The following CXCL13 variants were observed in gnomAD, a reference collection of about 807,000 sequenced individuals.
CXCL13 encodes C-X-C motif chemokine 13.
CXCL13 carries 7 observed loss-of-function variants against 12.2 expected under a neutral mutation model. The observed-to-expected ratio is 0.57, with a 90% CI of 0.33 to 1.07. CXCL13 has a LOEUF of 1.07. Among genes scored for constraint, CXCL13 ranks in the 50% least tolerant of loss-of-function variants. The pLI, the probability that CXCL13 is intolerant of heterozygous loss-of-function variation, is 0.04. For synonymous variants in CXCL13, 47 were observed against 42.4 expected, an observed-to-expected ratio of 1.11 and a Z score of -0.42; for missense variants, 113 against 127.4, an observed-to-expected ratio of 0.89 and a Z score of 0.55.
At chr4:77,516,277 G>C (rs543079189) in intron 1 of CXCL13, among the ~76,000 whole-genome samples, 1 of 151,998 alleles carries the variant, frequency 6.6e-6, no homozygotes. Context: ...CTCTTTTTTG[G>C]TTGTGTCTCT....
At chr4:77,607,875 C>T (rs1192478886) in intron 2 of CXCL13, 40 bp downstream of exon 2, 1 of 1,587,430 alleles carries the variant, frequency 6.3e-7, no homozygotes, top group Non-Finnish European at 8.6e-7. Flanking sequence ...TTCCTTCTCC[C>T]AATGAAATCA....
At chr4:77,592,552 C>A (rs149280292) in intron 1 of CXCL13, among the ~76,000 whole-genome samples, 87 of 152,214 alleles carry the variant, frequency 5.7e-4, no homozygotes, top group African/African-American at 2.0e-3. Flanking sequence ...CTATATATAT[C>A]ATAATATCAT....
intron 1 of CXCL13, among the ~76,000 whole-genome samples, chr4:77,517,899 G>C (rs1364797517): frequency 6.6e-6 from 1 of 152,154 alleles, no homozygotes; most frequent in African/African-American, 2.4e-5. Flanking sequence ...TTTCTTTTTA[G>C]TCTCAATGGT....
chr4:77,557,225 CA>C lies in CXCL13; in HGVS notation c.-43+45439del, dbSNP rs1337527908. On this transcript the variant is annotated intron_variant, in intron 1 of 4. Coordinates refer to the CXCL13 transcript ENST00000286758. ...TTCCATTGTATTAATAACAGGGCCA[CA>C]ACGATGTTTCAGGTCTCTAAGTACC... is the stretch of plus-strand genomic sequence containing the variant. Among the ~76,000 whole-genome samples the C allele has an allele frequency of 2.0e-5, 3 of 152,306 alleles. No homozygotes were observed. In the East Asian group the frequency reaches 5.8e-4, roughly 29 times the overall value.
chr4:77,553,383 A>T (rs1204925748), intron 1 of CXCL13, among the ~76,000 whole-genome samples: 1 of 152,234 alleles, frequency 6.6e-6, no homozygotes, highest in African/African-American at 2.4e-5. Context: ...CAGACTTTGT[A>T]TGTGCCTGGG....
At chr4:77,535,597 C>A (rs891493949) in intron 1 of CXCL13, among the ~76,000 whole-genome samples, 1 of 152,128 alleles carries the variant, frequency 6.6e-6, no homozygotes, top group African/African-American at 2.4e-5. Context: ...CATAAAAATT[C>A]CATGTGCATC....
chr4:77,522,332 G>C (rs892921538), intron 1 of CXCL13, among the ~76,000 whole-genome samples: 2 of 151,804 alleles, frequency 1.3e-5, no homozygotes, highest in African/African-American at 4.8e-5. Flanking sequence ...TCTCTTTGTA[G>C]GTCTCTAAGG....
chr4:77,579,225 C>G (rs569891957), intron 1 of CXCL13, among the ~76,000 whole-genome samples: 1 of 152,356 alleles, frequency 6.6e-6, no homozygotes, highest in South Asian at 2.1e-4. Context: ...CTCAGCTACT[C>G]ATCCAATTCT....
chr4:77,548,033 A>C (rs180716445), intron 1 of CXCL13, among the ~76,000 whole-genome samples: 3 of 151,742 alleles, frequency 2.0e-5, no homozygotes, highest in African/African-American at 7.3e-5. Context: ...TTGAAAAAAA[A>C]TTTTTTTTAA....
At chr4:77,556,566 T>C (rs546286052) in intron 1 of CXCL13, among the ~76,000 whole-genome samples, 2 of 152,350 alleles carry the variant, frequency 1.3e-5, no homozygotes, top group East Asian at 3.9e-4. Flanking sequence ...TCAAACTGTA[T>C]ATTTAAAATG....
At chr4:77,590,005 C>T (rs965238242) in intron 1 of CXCL13, among the ~76,000 whole-genome samples, 1 of 152,042 alleles carries the variant, frequency 6.6e-6, no homozygotes, top group African/African-American at 2.4e-5. Context: ...AAGTACGTGG[C>T]CCAGGTAAAT....
At chr4:77,533,646 G>T (rs928211636) in intron 1 of CXCL13, among the ~76,000 whole-genome samples, 1 of 152,188 alleles carries the variant, frequency 6.6e-6, no homozygotes, top group African/African-American at 2.4e-5. Flanking sequence ...AGTCTATAGC[G>T]GTAGGCAGGC....
intron 1 of CXCL13, among the ~76,000 whole-genome samples, chr4:77,558,589 G>A (rs1003773518): frequency 6.6e-6 from 1 of 152,170 alleles, no homozygotes; most frequent in Non-Finnish European, 1.5e-5. Flanking sequence ...CTGACCTCAG[G>A]TGATCTGCCC....
intron 1 of CXCL13, among the ~76,000 whole-genome samples, chr4:77,555,029 A>T (rs887061197): frequency 6.6e-6 from 1 of 152,042 alleles, no homozygotes; most frequent in Non-Finnish European, 1.5e-5. Context: ...CTAAAAAAAC[A>T]GAAGAACAAA....
chr4:77,538,618 G>A (rs562374367), intron 1 of CXCL13, among the ~76,000 whole-genome samples: 1 of 152,122 alleles, frequency 6.6e-6, no homozygotes, highest in Non-Finnish European at 1.5e-5. Context: ...TAATAGTCAG[G>A]TTCACTCTGA....
chr4:77,532,479 T>A (rs1466722470), intron 1 of CXCL13, among the ~76,000 whole-genome samples: 1 of 152,198 alleles, frequency 6.6e-6, no homozygotes, highest in Non-Finnish European at 1.5e-5. Context: ...GCCCTTAACA[T>A]TTTTTCCTTC....
chr4:77,611,748 G>T lies in CXCL13; in HGVS notation c.*709G>T, dbSNP rs1343360990. On this transcript the variant is annotated 3_prime_UTR_variant, in exon 4 of 4. Transcript: ENST00000682537. ...TCACTGACTTTTTTTGTGGGGGGCG[G>T]GGCCGGGGGGACTCTGGTATCTAAT... is the stretch of plus-strand genomic sequence containing the variant. The T allele has an allele frequency of 2.5e-6, 1 of 394,700 alleles. No individual in the cohort carries two copies. Among genetic ancestry groups the T allele is most frequent in the Non-Finnish European group, 4.4e-6 (1 of 225,944 alleles). The allele number at this position is 394,700 out of a possible 1,614,324, so 24.4% of individuals were successfully genotyped here. A position where few individuals can be genotyped will look rare whatever the true frequency, so the allele number is the denominator to read the frequency against.
intron 1 of CXCL13, among the ~76,000 whole-genome samples, chr4:77,567,456 G>A (rs1356541249): frequency 1.3e-5 from 2 of 152,188 alleles, no homozygotes; most frequent in African/African-American, 2.4e-5. Context: ...ATTGTTCAAA[G>A]TCCAGTCAGA....
Position 77,532,762 on chromosome 4 carries a change from T to A in CXCL13, c.-43+20974T>A, listed in dbSNP as rs528381810. Reference sequence around the variant, plus strand: ...GTTCATTTCTTTTTATTCTTTTTTCTCTGAACTTCTCTTTTGGCTTCATTT... The same window carrying A: ...GTTCATTTCTTTTTATTCTTTTTTCACTGAACTTCTCTTTTGGCTTCATTT... On this transcript the variant is annotated intron_variant, in intron 1 of 4. Coordinates refer to the CXCL13 transcript ENST00000286758. Among the ~76,000 whole-genome samples the A allele has an allele frequency of 8.5e-5, 13 of 152,330 alleles. No homozygotes were observed. In the South Asian group the frequency reaches 2.7e-3, roughly 32 times the overall value.
Sources: gnomAD v4.1 joint callset for allele counts (sites outside exome capture counted in the v4.1 genomes callset) on GRCh38, gnomAD v4.1.1 for gene constraint, MANE v1.5 for transcripts, NCBI Gene and HGNC (gene_info 2026-07-23, HGNC 2026-07-21) for gene names.